The following NIPA1 variants were observed in gnomAD, a reference collection of about 807,000 sequenced individuals.
NIPA1 encodes NIPA magnesium transporter 1.
In NIPA1, 13 loss-of-function variants were observed where a neutral mutation model predicts 23.9. The observed-to-expected ratio is 0.54, with a 90% confidence interval of 0.35 to 0.87. The LOEUF (loss-of-function observed/expected upper bound fraction) is 0.87, where lower values mean the gene tolerates loss of function less well. Among genes scored for constraint, NIPA1 ranks in the 40% least tolerant of loss-of-function variants. NIPA1 has a pLI of 0.01. For synonymous variants in NIPA1, 234 were observed against 202.9 expected, an observed-to-expected ratio of 1.15 and a Z score of -1.30; for missense variants, 362 against 429.7, an observed-to-expected ratio of 0.84 and a Z score of 1.39.
intron 3 of NIPA1, among the ~76,000 whole-genome samples, chr15:22,819,870 T>C (rs1895501809): frequency 6.6e-6 from 1 of 152,198 alleles, no homozygotes; most frequent in Non-Finnish European, 1.5e-5. Context: ...TGTGTATCAT[T>C]AACTACGTAG....
At chr15:22,820,136 G>C (rs540845377) in intron 3 of NIPA1, among the ~76,000 whole-genome samples, 177 bp from the exon 4 acceptor site, 74 of 152,258 alleles carry the variant, frequency 4.9e-4, no homozygotes, top group African/African-American at 1.6e-3. Context: ...GTTCAAGCTT[G>C]TGGTGAGCTG....
upstream of NIPA1, among the ~76,000 whole-genome samples, chr15:22,786,415 C>G (rs909487478): frequency 2.6e-5 from 4 of 152,044 alleles, no homozygotes; most frequent in African/African-American, 7.3e-5. Context: ...TTTGCGAAAT[C>G]CGGGAACCCC....
intron 1 of NIPA1, among the ~76,000 whole-genome samples, chr15:22,792,453 G>A (rs1325713425): frequency 6.6e-6 from 1 of 152,010 alleles, no homozygotes. Flanking sequence ...CCGCCTCCCA[G>A]GTTCACGCCA....
intron 2 of NIPA1, among the ~76,000 whole-genome samples, chr15:22,811,379 A>G (rs1207658037): frequency 6.6e-6 from 1 of 152,132 alleles, no homozygotes; most frequent in Non-Finnish European, 1.5e-5. Context: ...AGGCTGAGAC[A>G]GGTGGATTGT....
chr15:22,820,571 G>A (rs1195657228), intron 4 of NIPA1, 98 bp downstream of exon 4: 6 of 882,832 alleles, frequency 6.8e-6, no homozygotes, highest in Non-Finnish European at 1.2e-5. Flanking sequence ...GCAGGGCAGA[G>A]GAACCGTGTG....
At chr15:22,805,304 TCAGTTAATGTTTCAGAAGG>T (rs1895184914) in intron 1 of NIPA1, among the ~76,000 whole-genome samples, 1 of 152,216 alleles carries the variant, frequency 6.6e-6, no homozygotes, top group Non-Finnish European at 1.5e-5. Flanking sequence ...ACAGCAGTGC[TCAGTTAATGTTTCAGAAGG>T]CAGTTAATGC....
intron 1 of NIPA1, among the ~76,000 whole-genome samples, chr15:22,797,413 C>T (rs1326457702): frequency 6.6e-6 from 1 of 151,588 alleles, no homozygotes; most frequent in Non-Finnish European, 1.5e-5. Flanking sequence ...GGGGTTTCAC[C>T]ATGTTAGCCA....
At chr15:22,804,334 G>A (rs1895155566) in intron 1 of NIPA1, among the ~76,000 whole-genome samples, 1 of 150,426 alleles carries the variant, frequency 6.6e-6, no homozygotes, top group African/African-American at 2.4e-5. Context: ...TCTTGGCCAG[G>A]CTGGTCTTGA....
rs1366696551 is a variant in NIPA1, at chr15:22,788,778, G to A, written c.178+1944G>A. 3.3e-5 allele frequency among the ~76,000 whole-genome samples: 5 copies of A among 151,134 alleles called. No homozygotes were observed. The East Asian group carries it at 1.0e-3, about 30-fold the overall frequency. ...TTTTAAAAAAAACATGATAAGCTGG[G>A]TGCAGTGGCTCACACCTGTAATCCC... On this transcript the variant is annotated intron_variant, in intron 1 of 4. Coordinates refer to ENST00000337435, the MANE Select transcript of NIPA1 (RefSeq NM_144599.5).
At chr15:22,796,099 T>G (rs1894934382) in intron 1 of NIPA1, among the ~76,000 whole-genome samples, 1 of 151,888 alleles carries the variant, frequency 6.6e-6, no homozygotes, top group Non-Finnish European at 1.5e-5. Flanking sequence ...TATATATTTT[T>G]TTTTTAGAGA....
At chr15:22,794,840 C>T (rs1310143842) in intron 1 of NIPA1, among the ~76,000 whole-genome samples, 1 of 152,136 alleles carries the variant, frequency 6.6e-6, no homozygotes, top group African/African-American at 2.4e-5. Flanking sequence ...GAGGTCATTG[C>T]CCCTTGTGTG....
chr15:22,823,891 A>G lies in NIPA1; in HGVS notation c.642A>G (p.Gln214=), dbSNP rs1240373706. ...PSTKGIGLAA[Q]DILHNNPSSQ... ...CCAAGGGCATCGGGCTGGCGGCCCA[A>G]GACATCTTGCATAACAACCCGTCCA... Residue 214 remains glutamine (Q), a synonymous_variant, in exon 5 of 5, where the codon CAA becomes CAG. Coordinates refer to ENST00000337435, the MANE Select transcript of NIPA1 (RefSeq NM_144599.5). 6.2e-7 allele frequency: 1 copy of G among 1,614,082 alleles called. No homozygotes were observed. The highest frequency in any genetic ancestry group is 8.5e-7 in the Non-Finnish European group (1 of 1,180,008).
intron 3 of NIPA1, among the ~76,000 whole-genome samples, chr15:22,815,067 A>G (rs1895389385): frequency 6.6e-6 from 1 of 152,134 alleles, no homozygotes; most frequent in Non-Finnish European, 1.5e-5. Context: ...GTCAAGAAGC[A>G]CTGTTCTATA....
intron 3 of NIPA1, among the ~76,000 whole-genome samples, chr15:22,812,610 A>G (rs1895341991): frequency 6.6e-6 from 1 of 151,700 alleles, no homozygotes; most frequent in Admixed American, 6.6e-5. Flanking sequence ...TTGAGATGGC[A>G]CCACAGCACT....
At chr15:22,818,327 T>C (rs1171402235) in intron 3 of NIPA1, among the ~76,000 whole-genome samples, 1 of 151,792 alleles carries the variant, frequency 6.6e-6, no homozygotes, top group Non-Finnish European at 1.5e-5. Flanking sequence ...TCCCAGCTAC[T>C]TGGGAGGCTG....
rs1233533568 is a variant in NIPA1, at chr15:22,825,362, A to G, written c.*1123A>G. The G allele has an allele frequency of 6.6e-6, 1 of 152,250 alleles. No individual in the cohort carries two copies. The highest frequency in any genetic ancestry group is 1.9e-4 in the East Asian group (1 of 5,204). 9.4% of individuals were successfully genotyped at this position (152,250 alleles called of 1,614,324 possible). ...TGACAGAAACATGGTTACGTGGTTCATGACTGTATATTCACTGGAAGATAG... is the reference window on the plus strand; with the variant it reads ...TGACAGAAACATGGTTACGTGGTTCGTGACTGTATATTCACTGGAAGATAG... On this transcript the variant is annotated 3_prime_UTR_variant, in exon 5 of 5. Transcript: ENST00000337435.
intron 4 of NIPA1, 141 bp downstream of exon 4, chr15:22,820,614 C>T (rs1227750156): frequency 6.4e-6 from 5 of 776,588 alleles, no homozygotes; most frequent in South Asian, 1.4e-5. Context: ...GATCTGTGTT[C>T]TCTGGGAACG....
intron 1 of NIPA1, among the ~76,000 whole-genome samples, chr15:22,800,334 T>C (rs1895050155): frequency 6.6e-6 from 1 of 152,172 alleles, no homozygotes; most frequent in Non-Finnish European, 1.5e-5. Flanking sequence ...ATACCTTTAT[T>C]GCACCAGAAA....
chr15:22,799,594 A>G (rs1011905346), intron 1 of NIPA1, among the ~76,000 whole-genome samples: 1 of 152,048 alleles, frequency 6.6e-6, no homozygotes. Flanking sequence ...CATCCTGGCT[A>G]ACACGGTGAA....
Sources: allele counts gnomAD v4.1 joint callset (sites outside exome capture counted in the v4.1 genomes callset), GRCh38; gene constraint gnomAD v4.1.1; transcripts MANE v1.5; gene names NCBI Gene and HGNC (gene_info 2026-07-23, HGNC 2026-07-21).